TTK: variants seen among roughly 807,000 people sequenced by gnomAD.
TTK encodes TTK protein kinase, also known as dual specificity protein kinase TTK.
A neutral mutation model predicts 117.3 loss-of-function variants in TTK; 59 were observed. The ratio of observed to expected loss-of-function variants is 0.50; its 90% CI spans 0.41 to 0.62. TTK has a LOEUF of 0.62. TTK is among the 20% of genes least tolerant of loss of function. The pLI is 0.00. For missense variants in TTK, 921 were observed against 989.4 expected (o/e 0.93, Z 0.93); for synonymous variants, 302 against 325.0 (o/e 0.93, Z 0.76).
intron 10 of TTK, among the ~76,000 whole-genome samples, chr6:80,018,860 T>C (rs2127673980): frequency 6.6e-6 from 1 of 152,274 alleles, no homozygotes; most frequent in East Asian, 1.9e-4. Context: ...GAGTAAGTTC[T>C]GTTTTATACT....
chr6:80,010,406 C>A (rs555258260), intron 4 of TTK, among the ~76,000 whole-genome samples: 25 of 149,976 alleles, frequency 1.7e-4, no homozygotes, highest in South Asian at 6.3e-4. Flanking sequence ...CTTATTATAG[C>A]ATGTTGTAAG....
chr6:80,032,657 T>TA (rs79866884), intron 14 of TTK, among the ~76,000 whole-genome samples: 10,535 of 152,254 alleles, frequency 0.069, 411 homozygotes, highest in South Asian at 0.12. Context: ...TGGTGCCTCT[T>TA]ACTCTCATAC....
intron 10 of TTK, among the ~76,000 whole-genome samples, chr6:80,021,563 A>G (rs1186776909): frequency 6.6e-6 from 1 of 152,216 alleles, no homozygotes; most frequent in Non-Finnish European, 1.5e-5. Flanking sequence ...GGCCAGGCTC[A>G]TGCCCTCAAA....
chr6:80,024,561 G>A (rs1767554735), intron 11 of TTK, among the ~76,000 whole-genome samples: 1 of 152,182 alleles, frequency 6.6e-6, no homozygotes, highest in South Asian at 2.1e-4. Flanking sequence ...AATCCATAGA[G>A]GTGGAAAGTA....
At chr6:80,037,172 G>A (rs527403968) in intron 17 of TTK, among the ~76,000 whole-genome samples, 1 of 152,054 alleles carries the variant, frequency 6.6e-6, no homozygotes, top group Non-Finnish European at 1.5e-5. Flanking sequence ...TTCTTGCTTG[G>A]AACCAAGATG....
At chr6:80,016,276 C>G (rs151655) in intron 10 of TTK, among the ~76,000 whole-genome samples, 7,145 of 152,120 alleles carry the variant, frequency 0.047, 555 homozygotes, top group African/African-American at 0.16. Flanking sequence ...ATGTGTTCAG[C>G]TTTGGAAGAT....
intron 18 of TTK, among the ~76,000 whole-genome samples, chr6:80,039,129 T>G (rs185947041): frequency 2.0e-5 from 3 of 152,256 alleles, no homozygotes; most frequent in Non-Finnish European, 2.9e-5. Flanking sequence ...GGCTTAGATA[T>G]AACTATTCTA....
chr6:80,017,563 G>A (rs1371751628), intron 10 of TTK, among the ~76,000 whole-genome samples: 1 of 152,192 alleles, frequency 6.6e-6, no homozygotes, highest in African/African-American at 2.4e-5. Flanking sequence ...ACAAGTGTGA[G>A]CTATCACACC....
intron 10 of TTK, among the ~76,000 whole-genome samples, chr6:80,021,532 A>G (rs1674234085): frequency 6.6e-6 from 1 of 152,220 alleles, no homozygotes; most frequent in Non-Finnish European, 1.5e-5. Flanking sequence ...TTTATTAATC[A>G]AATGCTAGCA....
In TTK at chr6:80,039,856, T is replaced by C. The variant is rs777779837; in HGVS notation, c.2291T>C (p.Leu764Pro). Residue 764 changes from leucine (L) to proline (P), a missense_variant, in exon 19 of 22, where the codon CTT becomes CCT. By Grantham distance (98) the Leu-to-Pro change is moderately conservative. Transcript: ENST00000369798. ...IEFPDIPEKD[L>P]QDVLKCCLKR... Reference sequence around the variant, plus strand: ...TTTCCCGATATTCCAGAGAAAGATCTTCAAGATGTGTTAAAGGTAATATTA... The same window carrying C: ...TTTCCCGATATTCCAGAGAAAGATCCTCAAGATGTGTTAAAGGTAATATTA... 1.3e-6 allele frequency: 2 copies of C among 1,573,794 alleles called. No homozygotes were observed. The highest frequency in any genetic ancestry group is 1.2e-5 in the South Asian group (1 of 82,118).
At chr6:80,032,518 A>G (rs1268838338) in intron 14 of TTK, among the ~76,000 whole-genome samples, 1 of 152,194 alleles carries the variant, frequency 6.6e-6, no homozygotes, top group African/African-American at 2.4e-5. Context: ...CCAGACTTGT[A>G]TATTCAACAT....
At chr6:80,012,907 G>C (rs1251824549) in intron 8 of TTK, among the ~76,000 whole-genome samples, 1 of 152,064 alleles carries the variant, frequency 6.6e-6, no homozygotes, top group Non-Finnish European at 1.5e-5. Context: ...GATAGACAAT[G>C]CTAGGTACTG....
chr6:80,015,750 C>T lies in TTK; in HGVS notation c.1108+1164C>T, dbSNP rs894437999. Among the ~76,000 whole-genome samples the T allele has an allele frequency of 2.6e-5, 4 of 152,068 alleles. No homozygotes were observed. The South Asian group carries it at 8.3e-4, about 31-fold the overall frequency. ...CCTAATTTAATGTTTTAAATGAATG[C>T]TTGTTGTCTACACTATACCAGTAAT... On this transcript the variant is annotated intron_variant, in intron 10 of 21. Coordinates refer to ENST00000369798, the MANE Select transcript of TTK (RefSeq NM_003318.5).
At chr6:80,041,504 G>A (rs1225251465) in intron 21 of TTK, among the ~76,000 whole-genome samples, 1 of 151,424 alleles carries the variant, frequency 6.6e-6, no homozygotes, top group Non-Finnish European at 1.5e-5. Context: ...TTTTGTAATT[G>A]CTCTGTATTT....
chr6:80,018,971 T>C (rs1281184335), intron 10 of TTK, among the ~76,000 whole-genome samples: 2 of 152,224 alleles, frequency 1.3e-5, no homozygotes, highest in Non-Finnish European at 2.9e-5. Flanking sequence ...CCGTCTCTAT[T>C]CTGTTATTAT....
intron 10 of TTK, among the ~76,000 whole-genome samples, chr6:80,015,977 A>G (rs866938991): frequency 1.3e-5 from 2 of 152,194 alleles, no homozygotes; most frequent in Non-Finnish European, 1.5e-5. Flanking sequence ...TCTGATTTCT[A>G]ACACCACAGA....
At chr6:80,037,486 T>C (rs1193370560) in intron 17 of TTK, 2 of 152,636 alleles carry the variant, frequency 1.3e-5, no homozygotes, top group Non-Finnish European at 2.9e-5. Context: ...AGCTAGATGG[T>C]ATTTTTGTTT....
chr6:80,029,507 A>G (rs1767698779), intron 13 of TTK, among the ~76,000 whole-genome samples: 1 of 152,252 alleles, frequency 6.6e-6, no homozygotes. Flanking sequence ...AGCTATTACT[A>G]GTGTCAGGCC....
At chr6:80,015,575 A>G (rs1430092984) in intron 10 of TTK, among the ~76,000 whole-genome samples, 1 of 152,136 alleles carries the variant, frequency 6.6e-6, no homozygotes, top group Non-Finnish European at 1.5e-5. Context: ...GGACACACAC[A>G]AAAAAACATT....
Sources: allele counts gnomAD v4.1 joint callset (sites outside exome capture counted in the v4.1 genomes callset), GRCh38; gene constraint gnomAD v4.1.1; transcripts MANE v1.5; gene names NCBI Gene and HGNC (gene_info 2026-07-23, HGNC 2026-07-21).